The following CD9 variants were observed in gnomAD, a reference collection of about 807,000 sequenced individuals.
The protein encoded by CD9 is CD9 molecule, also known as CD9 antigen.
In CD9, 10 loss-of-function variants were observed where a neutral mutation model predicts 31.4. The ratio of observed to expected loss-of-function variants is 0.32; its 90% CI spans 0.20 to 0.54. CD9 has a LOEUF of 0.54. Among genes scored for constraint, CD9 ranks in the 20% least tolerant of loss-of-function variants. The pLI, the probability that CD9 is intolerant of heterozygous loss-of-function variation, is 0.94. For synonymous variants in CD9, 113 were observed against 114.1 expected, an observed-to-expected ratio of 0.99 and a Z score of 0.06; for missense variants, 259 against 300.1, an observed-to-expected ratio of 0.86 and a Z score of 1.01.
At chr12:6,228,632 G>A (rs1002799210) in intron 2 of CD9, among the ~76,000 whole-genome samples, 5 of 151,046 alleles carry the variant, frequency 3.3e-5, no homozygotes, top group South Asian at 2.1e-4. Flanking sequence ...TGCCCTGAAC[G>A]TCACTGAACG....
chr12:6,212,010 C>G (rs573883098), intron 1 of CD9, among the ~76,000 whole-genome samples: 10 of 152,274 alleles, frequency 6.6e-5, no homozygotes, highest in Admixed American at 5.9e-4. Flanking sequence ...TTTCTCAACT[C>G]GAACTTGTTC....
At chr12:6,223,139 C>T (rs1946313957) in intron 1 of CD9, among the ~76,000 whole-genome samples, 1 of 152,196 alleles carries the variant, frequency 6.6e-6, no homozygotes, top group Non-Finnish European at 1.5e-5. Context: ...GAGCACCGGC[C>T]TACAGTTTTC....
chr12:6,228,154 C>T (rs1252918885), intron 2 of CD9, among the ~76,000 whole-genome samples: 3 of 152,200 alleles, frequency 2.0e-5, no homozygotes, highest in African/African-American at 4.8e-5. Context: ...ACACCCCATT[C>T]GGGGAAGAGA....
intron 1 of CD9, among the ~76,000 whole-genome samples, chr12:6,211,634 C>T (rs564189728): frequency 1.2e-4 from 19 of 152,246 alleles, no homozygotes; most frequent in Admixed American, 1.1e-3. Flanking sequence ...GTGCAGTCAT[C>T]GCCAGACAGC....
chr12:6,234,972 G>A (rs563556482), intron 4 of CD9, among the ~76,000 whole-genome samples: 217 of 152,328 alleles, frequency 1.4e-3, no homozygotes, highest in Non-Finnish European at 2.4e-3. Flanking sequence ...AAGTAGAGCT[G>A]AAGGACTGAC....
intron 2 of CD9, among the ~76,000 whole-genome samples, chr12:6,226,650 G>A (rs1291349507): frequency 6.6e-6 from 1 of 152,068 alleles, no homozygotes; most frequent in Non-Finnish European, 1.5e-5. Context: ...GTTTTGCTGG[G>A]TTTACTGCTT....
chr12:6,215,675 T>C (rs1395517841), intron 1 of CD9, among the ~76,000 whole-genome samples: 1 of 152,200 alleles, frequency 6.6e-6, no homozygotes, highest in Non-Finnish European at 1.5e-5. Context: ...GCCCCCAGGA[T>C]GCGCCTGACC....
At chr12:6,228,950 C>A (rs1197547991) in intron 2 of CD9, among the ~76,000 whole-genome samples, 1 of 152,250 alleles carries the variant, frequency 6.6e-6, no homozygotes, top group African/African-American at 2.4e-5. Context: ...CCACAGCTTA[C>A]CAAGTAGAGA....
chr12:6,206,667 CAGATG>C (rs1386541547), intron 1 of CD9, among the ~76,000 whole-genome samples: 2 of 152,174 alleles, frequency 1.3e-5, no homozygotes, highest in Non-Finnish European at 2.9e-5. Context: ...ATCCTGTCCC[CAGATG>C]AGATAATTTT....
chr12:6,208,035 G>T (rs1039411753), intron 1 of CD9, among the ~76,000 whole-genome samples: 7 of 152,054 alleles, frequency 4.6e-5, no homozygotes, highest in Admixed American at 6.6e-5. Flanking sequence ...GACCAGCCTG[G>T]CCAACATGGA....
rs1000667528 is a variant in CD9, at chr12:6,232,152, G to T, written c.176-480G>T. 23 of 177,258 alleles carry T rather than the reference G, an allele frequency of 1.3e-4. No homozygotes were observed. The highest frequency in any genetic ancestry group is 4.9e-5 in the Non-Finnish European group (4 of 82,050). The allele number at this position is 177,258 out of a possible 1,614,324, so 11.0% of individuals were successfully genotyped here. ...GTTCCCCCCACCCCTGGGTAGGGGG[G>T]TGCCTAGGTGTGCACGGCCCCTTCC... On this transcript the variant is annotated intron_variant, in intron 2 of 7. Transcript: ENST00000009180. This position sits in a 1 kb window ranked among gnomAD's most constrained non-coding sequence, Gnocchi z 4.8.
At chr12:6,231,169 G>A (rs192484523) in intron 2 of CD9, among the ~76,000 whole-genome samples, 1 of 152,312 alleles carries the variant, frequency 6.6e-6, no homozygotes, top group East Asian at 1.9e-4. Context: ...CCCAGTGAAA[G>A]GACAGTAGGG....
chr12:6,202,232 G>A (rs866724570), intron 1 of CD9, among the ~76,000 whole-genome samples: 35 of 152,226 alleles, frequency 2.3e-4, no homozygotes, highest in African/African-American at 8.2e-4. Flanking sequence ...CAGTGAGGAC[G>A]GCATATAGGT....
intron 2 of CD9, among the ~76,000 whole-genome samples, chr12:6,228,581 ACAG>A (rs1178036036): frequency 7.1e-6 from 1 of 140,780 alleles, no homozygotes; most frequent in African/African-American, 2.7e-5. Flanking sequence ...AAAAAAAAAA[ACAG>A]CAGCACAGCA....
At chr12:6,202,102 C>A (rs1328011838) in intron 1 of CD9, among the ~76,000 whole-genome samples, 1 of 152,166 alleles carries the variant, frequency 6.6e-6, no homozygotes, top group Non-Finnish European at 1.5e-5. Flanking sequence ...TCCCCACAAG[C>A]CTCCTTAGGG....
chr12:6,235,802 C>T (rs1177259996), intron 6 of CD9: 1 of 1,385,874 alleles, frequency 7.2e-7, no homozygotes, highest in East Asian at 2.7e-5. Context: ...CTGCTGCCAG[C>T]CCGGAAGCTC....
At position 6,233,490 on chromosome 12, in the gene CD9, G is replaced by C. The variant is rs1946477772; in HGVS notation, c.348+4G>C. The C allele has an allele frequency of 6.2e-7, 1 of 1,610,426 alleles. No individual in the cohort carries two copies. Among genetic ancestry groups the C allele is most frequent in the African/African-American group, 1.3e-5 (1 of 74,940 alleles). On this transcript the variant is annotated splice_donor_region_variant and intron_variant, in intron 4 of 7. Transcript: ENST00000009180. ...GGGATATTCCCACAAGGATGAGGTAGGTTTTTCCCATGAGATCTCTTGGGT... is the reference window on the plus strand; with the variant it reads ...GGGATATTCCCACAAGGATGAGGTACGTTTTTCCCATGAGATCTCTTGGGT...
At chr12:6,203,333 G>A (rs914593136) in intron 1 of CD9, among the ~76,000 whole-genome samples, 4 of 152,182 alleles carry the variant, frequency 2.6e-5, no homozygotes, top group African/African-American at 9.7e-5. Context: ...AACTGCTTGG[G>A]TGATTATGTT....
intron 7 of CD9, 44 bp from the exon 8 acceptor site, chr12:6,237,719 C>A: frequency 6.9e-7 from 1 of 1,459,474 alleles, no homozygotes; most frequent in South Asian, 1.1e-5. Context: ...AGCCTTCCTT[C>A]AGATCAAACC....
Sources: allele counts gnomAD v4.1 joint callset (sites outside exome capture counted in the v4.1 genomes callset), GRCh38; gene constraint gnomAD v4.1.1; non-coding constraint Gnocchi (gnomAD v3.1); transcripts MANE v1.5; gene names NCBI Gene and HGNC (gene_info 2026-07-23, HGNC 2026-07-21).